Variants in SEMA6D observed in about 807,000 individuals in gnomAD.
SEMA6D encodes the protein semaphorin 6D.
Under a neutral mutation model 106.6 loss-of-function variants are expected in SEMA6D, and 35 were observed. That is an observed-to-expected ratio of 0.33 (90% CI 0.25 to 0.44). The LOEUF is 0.44. Among genes scored for constraint, SEMA6D ranks in the 20% least tolerant of loss-of-function variants. SEMA6D has a pLI of 1.00. For synonymous variants in SEMA6D, 499 were observed against 487.7 expected, an observed-to-expected ratio of 1.02 and a Z score of -0.31; for missense variants, 1,185 against 1,345.9, an observed-to-expected ratio of 0.88 and a Z score of 1.87.
At chr15:47,751,832 A>G (rs1292925156) in intron 1 of SEMA6D, among the ~76,000 whole-genome samples, 1 of 152,194 alleles carries the variant, frequency 6.6e-6, no homozygotes, top group Non-Finnish European at 1.5e-5. Context: ...ACTGTGAGAT[A>G]TACTTGACCT....
chr15:47,533,660 A>T (rs2045053766), intron 3 of SEMA6D, among the ~76,000 whole-genome samples: 1 of 152,150 alleles, frequency 6.6e-6, no homozygotes, highest in African/African-American at 2.4e-5. Flanking sequence ...AGTGTTGCCA[A>T]AGCTGCACCC....
At chr15:47,371,380 C>T (rs2039267411) in intron 1 of SEMA6D, among the ~76,000 whole-genome samples, 1 of 152,160 alleles carries the variant, frequency 6.6e-6, no homozygotes, top group Non-Finnish European at 1.5e-5. Flanking sequence ...ATTAATCAAA[C>T]AAATGAATCA....
intron 3 of SEMA6D, among the ~76,000 whole-genome samples, chr15:47,478,573 G>A (rs924748646): frequency 6.6e-6 from 1 of 152,128 alleles, no homozygotes; most frequent in Non-Finnish European, 1.5e-5. Context: ...TAAAAGCAAA[G>A]AGCCAAGGGC....
At chr15:47,390,482 AG>A (rs2145805253) in intron 1 of SEMA6D, among the ~76,000 whole-genome samples, 1 of 152,304 alleles carries the variant, frequency 6.6e-6, no homozygotes, top group African/African-American at 2.4e-5. Context: ...GGTAGGAAAG[AG>A]GGAGTGAATA....
At chr15:47,745,793 G>C (rs187857005) in intron 1 of SEMA6D, among the ~76,000 whole-genome samples, 42 of 152,264 alleles carry the variant, frequency 2.8e-4, no homozygotes, top group Admixed American at 2.6e-3. Context: ...TTTTAGTCCA[G>C]ATCTATCAAA....
At chr15:47,639,502 G>A (rs889091663) in intron 4 of SEMA6D, among the ~76,000 whole-genome samples, 86 of 152,182 alleles carry the variant, frequency 5.7e-4, no homozygotes, top group African/African-American at 2.0e-3. Flanking sequence ...AGGAGGGAAA[G>A]AATAACTCCT....
intron 3 of SEMA6D, among the ~76,000 whole-genome samples, chr15:47,480,839 T>A (rs2043134950): frequency 6.6e-6 from 1 of 152,204 alleles, no homozygotes; most frequent in Non-Finnish European, 1.5e-5. Context: ...CCAACCCTGT[T>A]GTCTTTCTTC....
At position 47,328,694 on chromosome 15, in the gene SEMA6D, A is replaced by G. The variant is rs1048755461; in HGVS notation, c.-238-83699A>G. 3.3e-5 allele frequency among the ~76,000 whole-genome samples: 5 copies of G among 152,264 alleles called. No homozygotes were observed. The East Asian group carries it at 7.7e-4, about 24-fold the overall frequency. On this transcript the variant is annotated intron_variant, in intron 1 of 19. Coordinates refer to the SEMA6D transcript ENST00000558014. ...TGGCCAACTTCTGTCTCCTACCACA[A>G]TAAGCTCTAGTGAACCCCTGAGCCC...
At chr15:47,646,947 T>A (rs2077592538) in intron 4 of SEMA6D, among the ~76,000 whole-genome samples, 2 of 152,186 alleles carry the variant, frequency 1.3e-5, no homozygotes, top group South Asian at 4.1e-4. Context: ...TGACCAAAAA[T>A]AATCAAGCAT....
At chr15:47,671,695 T>TAGC (rs2078140574) in intron 4 of SEMA6D, among the ~76,000 whole-genome samples, 1 of 152,178 alleles carries the variant, frequency 6.6e-6, no homozygotes. Context: ...AAGGCAGGAA[T>TAGC]AGCAGTTTGA....
At chr15:47,323,530 A>T (rs1184993274) in intron 1 of SEMA6D, among the ~76,000 whole-genome samples, 1 of 152,146 alleles carries the variant, frequency 6.6e-6, no homozygotes, top group Non-Finnish European at 1.5e-5. Context: ...TGACTGGTTA[A>T]AAGGCATCAT....
At chr15:47,605,021 T>C (rs1167771798) in intron 4 of SEMA6D, among the ~76,000 whole-genome samples, 1 of 152,184 alleles carries the variant, frequency 6.6e-6, no homozygotes, top group East Asian at 1.9e-4. Flanking sequence ...GTAATAGTTA[T>C]CTACTGCTGT....
chr15:47,529,406 C>T (rs528751300), intron 3 of SEMA6D, among the ~76,000 whole-genome samples: 5 of 152,146 alleles, frequency 3.3e-5, no homozygotes, highest in African/African-American at 9.6e-5. Flanking sequence ...AGTTCAAACC[C>T]GTGTTGTTGA....
At chr15:47,577,027 T>G (rs765738530) in intron 3 of SEMA6D, among the ~76,000 whole-genome samples, 1 of 152,224 alleles carries the variant, frequency 6.6e-6, no homozygotes, top group Admixed American at 6.5e-5. Flanking sequence ...GCATTAGTTG[T>G]GTTTCTGTTT....
intron 2 of SEMA6D, among the ~76,000 whole-genome samples, chr15:47,469,623 G>C (rs960269889): frequency 4.6e-5 from 7 of 152,024 alleles, no homozygotes; most frequent in African/African-American, 1.7e-4. Context: ...TATTGTAAAA[G>C]TATTTATCAA....
At chr15:47,587,337 C>G (rs2076360352) in intron 3 of SEMA6D, among the ~76,000 whole-genome samples, 1 of 152,204 alleles carries the variant, frequency 6.6e-6, no homozygotes, top group South Asian at 2.1e-4. Flanking sequence ...CTCCATCTTA[C>G]ATTTCTGCTG....
chr15:47,496,058 C>G (rs181561558), intron 3 of SEMA6D, among the ~76,000 whole-genome samples: 101 of 152,136 alleles, frequency 6.6e-4, no homozygotes, highest in African/African-American at 2.1e-3. Flanking sequence ...TAGAGTATAA[C>G]AAAACACTAG....
chr15:47,572,841 C>G (rs2076086995), intron 3 of SEMA6D, among the ~76,000 whole-genome samples: 1 of 151,934 alleles, frequency 6.6e-6, no homozygotes, highest in Non-Finnish European at 1.5e-5. Context: ...GTATTTTGAA[C>G]TTTTGCCAGA....
chr15:47,403,290 G>A (rs1355654814), intron 1 of SEMA6D, among the ~76,000 whole-genome samples: 2 of 152,082 alleles, frequency 1.3e-5, no homozygotes, highest in Admixed American at 6.6e-5. Flanking sequence ...AAGGGCCCAC[G>A]GAAAAAGTGC....
Sources: allele counts gnomAD v4.1 joint callset (sites outside exome capture counted in the v4.1 genomes callset), GRCh38; gene constraint gnomAD v4.1.1; transcripts MANE v1.5; gene names NCBI Gene and HGNC (gene_info 2026-07-23, HGNC 2026-07-21).